Variants in MTMR3 observed in about 807,000 individuals in gnomAD.
MTMR3 encodes the protein phosphatidylinositol-3,5-bisphosphate 3-phosphatase MTMR3.
Under a neutral mutation model 132.4 loss-of-function variants are expected in MTMR3, and 32 were observed. The ratio of observed to expected loss-of-function variants is 0.24; its 90% CI spans 0.18 to 0.32. The LOEUF (loss-of-function observed/expected upper bound fraction) is 0.32, where lower values mean the gene tolerates loss of function less well. MTMR3 is among the 10% of genes least tolerant of loss of function. The pLI is 1.00. For missense variants in MTMR3, 1,216 were observed against 1,489.6 expected (o/e 0.82, Z 3.02); for synonymous variants, 556 against 550.3 (o/e 1.01, Z -0.14).
At chr22:29,982,635 T>A (rs1206084953) in intron 5 of MTMR3, 1 of 152,200 alleles carries the variant, frequency 6.6e-6, no homozygotes, top group Non-Finnish European at 1.5e-5. Context: ...CCATCAAGTT[T>A]TAAATAGCTA....
chr22:29,982,239 AAATT>A (rs2066763163), intron 5 of MTMR3: 1 of 140,692 alleles, frequency 7.1e-6, no homozygotes, highest in Non-Finnish European at 1.6e-5. Flanking sequence ...AAAAAAAAAA[AAATT>A]TCAGATTGAG....
In MTMR3 at chr22:30,022,481, G is replaced by C. The variant is rs1483296504; in HGVS notation, c.3337-128G>C. 3 of 775,492 alleles carry C rather than the reference G, an allele frequency of 3.9e-6. No homozygotes were observed. The African/African-American group carries it at 5.1e-5, about 13-fold the overall frequency. 48.0% of individuals were successfully genotyped at this position (775,492 alleles called of 1,614,324 possible). On this transcript the variant is annotated intron_variant, in intron 18 of 19. Coordinates refer to ENST00000401950, the MANE Select transcript of MTMR3 (RefSeq NM_021090.4). ...CGCCTTTCTTGTACTGTTGACATCA[G>C]ATCTGCTGGGCTGGTGCCACTGGAG... is the stretch of plus-strand genomic sequence containing the variant.
rs1161278704 is a variant in MTMR3 at position 29,897,485 on chromosome 22, C to T, written c.-138+14126C>T. On this transcript the variant is annotated intron_variant, in intron 1 of 19. Coordinates refer to ENST00000401950, the MANE Select transcript of MTMR3 (RefSeq NM_021090.4). Reference sequence around the variant, plus strand: ...TATTTATTTTTGAGACGGGCTCTCACTCTGTTGCCCATACTGATGTGCAGT... The same window carrying T: ...TATTTATTTTTGAGACGGGCTCTCATTCTGTTGCCCATACTGATGTGCAGT... 2.0e-5 allele frequency among the ~76,000 whole-genome samples: 3 copies of T among 152,106 alleles called. No homozygotes were observed. In the East Asian group the frequency reaches 5.8e-4, roughly 29 times the overall value.
chr22:29,991,356 G>A (rs1601386928), intron 6 of MTMR3, 148 bp from the exon 7 acceptor site: 1 of 642,782 alleles, frequency 1.6e-6, no homozygotes, highest in East Asian at 3.1e-5. Flanking sequence ...AAGTGATAAT[G>A]AGCATGCGAA....
intron 1 of MTMR3, among the ~76,000 whole-genome samples, chr22:29,884,945 T>C (rs1238411803): frequency 1.3e-5 from 2 of 152,206 alleles, no homozygotes; most frequent in Admixed American, 6.5e-5. Flanking sequence ...TTAGATTGGC[T>C]GCCTATGAAT....
At chr22:30,018,280 G>A (rs780038133) in intron 16 of MTMR3, 87 of 535,254 alleles carry the variant, frequency 1.6e-4, no homozygotes, top group Middle Eastern at 4.8e-4. Flanking sequence ...AGGCCCTGTT[G>A]CTTCATGTTG....
chr22:30,002,791 C>A, intron 8 of MTMR3, 89 bp from the exon 9 acceptor site: 1 of 970,458 alleles, frequency 1.0e-6, no homozygotes, highest in Non-Finnish European at 1.6e-6. Flanking sequence ...CATCCTTATG[C>A]TGGCTCACCT....
chr22:29,964,602 G>A (rs16988123), intron 2 of MTMR3, among the ~76,000 whole-genome samples: 9,023 of 152,030 alleles, frequency 0.059, 504 homozygotes, highest in South Asian at 0.24. Flanking sequence ...CCACATCTAG[G>A]CCTCTACCTA....
Position 29,956,799 on chromosome 22 carries a change from G to C in MTMR3, c.-137-237G>C, listed in dbSNP as rs58158427. On this transcript the variant is annotated intron_variant, in intron 1 of 19. Transcript: ENST00000401950. ...CTCTCTGTGGGGTTTGAAAAGCTCT[G>C]TTCTCTACAGTTCTGCAATTTCTGA... Among the ~76,000 whole-genome samples, 681 of 152,238 alleles carry C rather than the reference G, an allele frequency of 4.5e-3. 6 individuals are homozygous for C. The highest frequency in any genetic ancestry group is 0.015 in the African/African-American group (643 of 41,554).
intron 11 of MTMR3, 181 bp from the exon 12 acceptor site, chr22:30,008,837 A>T: frequency 2.1e-6 from 1 of 467,860 alleles, no homozygotes; most frequent in South Asian, 4.2e-5. Context: ...AAGATAGCTA[A>T]AATTCAGTGT....
At chr22:29,913,774 C>T (rs752639207) in intron 1 of MTMR3, among the ~76,000 whole-genome samples, 13 of 150,860 alleles carry the variant, frequency 8.6e-5, no homozygotes, top group Non-Finnish European at 1.6e-4. Flanking sequence ...TTATTTGAGA[C>T]GGAGTCTCGC....
intron 3 of MTMR3, among the ~76,000 whole-genome samples, chr22:29,977,531 T>C (rs1301829423): frequency 1.3e-5 from 2 of 152,252 alleles, no homozygotes; most frequent in Non-Finnish European, 2.9e-5. Flanking sequence ...TAGTCTTTCA[T>C]ATATTTTCAA....
At position 30,020,046 on chromosome 22, in the gene MTMR3, T is replaced by G; in HGVS notation, c.2387T>G (p.Phe796Cys). The part of the protein sequence containing the change: ...EDSLEVPVEQ[F>C]RIEEIAEGRE... ...TCCCTGGAGGTCCCTGTGGAGCAGT[T>G]TCGAATAGAAGAGATTGCAGAGGGT... The change falls in exon 17 of 20, where the codon TTT becomes TGT. Residue 796 changes from phenylalanine to cysteine, a missense_variant. Phe to Cys is a radical substitution (Grantham distance 205, BLOSUM62 -2). Coordinates refer to ENST00000401950, the MANE Select transcript of MTMR3 (RefSeq NM_021090.4). The G allele has an allele frequency of 2.5e-6, 4 of 1,614,084 alleles. No homozygotes were observed. Among genetic ancestry groups the G allele is most frequent in the Non-Finnish European group, 3.4e-6 (4 of 1,180,010 alleles).
At chr22:29,988,691 GT>G in intron 6 of MTMR3, 129 bp downstream of exon 6, 1 of 534,260 alleles carries the variant, frequency 1.9e-6, no homozygotes, top group Non-Finnish European at 3.1e-6. Flanking sequence ...TTTCTGAGTA[GT>G]TTGTGCCTGA....
chr22:29,968,897 T>C (rs1175357360), intron 2 of MTMR3, among the ~76,000 whole-genome samples: 1 of 152,240 alleles, frequency 6.6e-6, no homozygotes, highest in East Asian at 1.9e-4. Flanking sequence ...GACTCCAACT[T>C]GGTCTGTTAC....
intron 7 of MTMR3, chr22:29,996,330 G>A (rs1164551754): frequency 6.6e-6 from 1 of 152,190 alleles, no homozygotes; most frequent in Non-Finnish European, 1.5e-5. Context: ...ATATATTTCT[G>A]CGTATAGCTC....
intron 19 of MTMR3, chr22:30,023,024 G>A (rs559270864): frequency 2.4e-5 from 10 of 414,842 alleles, no homozygotes; most frequent in South Asian, 2.4e-4. Context: ...GCTACTATGA[G>A]CAAAACCAGT....
chr22:29,964,021 G>A (rs1337953287), intron 2 of MTMR3, among the ~76,000 whole-genome samples: 1 of 152,138 alleles, frequency 6.6e-6, no homozygotes, highest in African/African-American at 2.4e-5. Flanking sequence ...TGGTAACTCT[G>A]TGTTTAATTG....
chr22:29,926,088 T>A (rs1240012591), intron 1 of MTMR3, among the ~76,000 whole-genome samples: 1 of 152,144 alleles, frequency 6.6e-6, no homozygotes, highest in Non-Finnish European at 1.5e-5. Context: ...GCTAGTTGAT[T>A]TTCTCTTTCA....
Sources: allele counts gnomAD v4.1 joint callset (sites outside exome capture counted in the v4.1 genomes callset), GRCh38; gene constraint gnomAD v4.1.1; transcripts MANE v1.5; gene names NCBI Gene and HGNC (gene_info 2026-07-23, HGNC 2026-07-21).